The following PLCE1 variants were observed in gnomAD, a reference collection of about 807,000 sequenced individuals.
PLCE1 encodes 1-phosphatidylinositol 4,5-bisphosphate phosphodiesterase epsilon-1.
Under a neutral mutation model 242.8 loss-of-function variants are expected in PLCE1, and 119 were observed. That is an observed-to-expected ratio of 0.49 (90% confidence interval 0.42 to 0.57). PLCE1 has a LOEUF of 0.57. Among genes scored for constraint, PLCE1 ranks in the 20% least tolerant of loss-of-function variants. The pLI is 0.00. For synonymous variants in PLCE1, 945 were observed against 1,017.4 expected, an observed-to-expected ratio of 0.93 and a Z score of 1.35; for missense variants, 2,441 against 2,788.8, an observed-to-expected ratio of 0.88 and a Z score of 2.81.
intron 2 of PLCE1, among the ~76,000 whole-genome samples, chr10:94,055,102 A>G (rs2043868010): frequency 6.6e-6 from 1 of 151,916 alleles, no homozygotes; most frequent in Non-Finnish European, 1.5e-5. Flanking sequence ...TAAGGAGTTG[A>G]AATTTCAACT....
At chr10:94,150,305 A>T (rs1426690626) in intron 3 of PLCE1, among the ~76,000 whole-genome samples, 1 of 152,192 alleles carries the variant, frequency 6.6e-6, no homozygotes, top group Non-Finnish European at 1.5e-5. Context: ...TGCCCCTACA[A>T]ATTTCAATTA....
intron 2 of PLCE1, among the ~76,000 whole-genome samples, chr10:94,066,974 G>A (rs1280462602): frequency 6.6e-6 from 1 of 152,138 alleles, no homozygotes; most frequent in Non-Finnish European, 1.5e-5. Flanking sequence ...TTTCCAGGGG[G>A]AATTGAGGTT....
chr10:94,209,991 T>G (rs2049280604), intron 4 of PLCE1, among the ~76,000 whole-genome samples: 1 of 152,142 alleles, frequency 6.6e-6, no homozygotes, highest in Non-Finnish European at 1.5e-5. Context: ...TTGGTGATAC[T>G]AGAGCTGAGA....
intron 19 of PLCE1, among the ~76,000 whole-genome samples, chr10:94,275,611 C>T (rs566149310): frequency 2.0e-5 from 3 of 152,154 alleles, no homozygotes; most frequent in South Asian, 2.1e-4. Flanking sequence ...CGAGGCAGGT[C>T]GATTGCTTGA....
chr10:94,150,237 G>A (rs1222641802), intron 3 of PLCE1, among the ~76,000 whole-genome samples: 5 of 152,192 alleles, frequency 3.3e-5, no homozygotes, highest in Non-Finnish European at 7.3e-5. Context: ...ACCTGGCAAG[G>A]TAGAATTATA....
chr10:94,095,564 C>T (rs1230232939), intron 2 of PLCE1, among the ~76,000 whole-genome samples: 1 of 152,078 alleles, frequency 6.6e-6, no homozygotes, highest in Non-Finnish European at 1.5e-5. Context: ...ATTATGTTTC[C>T]CAGGCTGGAA....
intron 31 of PLCE1, among the ~76,000 whole-genome samples, 155 bp from the exon 32 acceptor site, chr10:94,324,737 G>A (rs1167284910): frequency 6.6e-6 from 1 of 152,138 alleles, no homozygotes; most frequent in African/African-American, 2.4e-5. Context: ...ACATGTGGCC[G>A]AGCTTGCGGT....
intron 3 of PLCE1, among the ~76,000 whole-genome samples, chr10:94,145,902 G>A (rs971357404): frequency 7.2e-5 from 11 of 151,994 alleles, no homozygotes; most frequent in Admixed American, 6.6e-4. Context: ...GGTTCTTCCT[G>A]GGAGATACAG....
Position 94,031,920 on chromosome 10 carries a change from G to T in PLCE1, c.874G>T (p.Ala292Ser), listed in dbSNP as rs370227059. 2.5e-6 allele frequency: 4 copies of T among 1,613,888 alleles called. No homozygotes were observed. In the African/African-American group the frequency reaches 4.0e-5, roughly 16 times the overall value. ...TAGGAAAGACTTTACTGACAGTCAA[G>T]CTGCCAAGACCTTTTTGAGCCATTT... ...FCRKDFTDSQAAKTFLSHFED... is the reference protein window; with the variant it reads ...FCRKDFTDSQSAKTFLSHFED... Residue 292 changes from alanine (A) to serine (S), a missense_variant, in exon 2 of 33, where the codon GCT becomes TCT. Transcript: ENST00000371380.
At chr10:94,212,389 TG>T (rs2049367275) in intron 4 of PLCE1, among the ~76,000 whole-genome samples, 1 of 152,218 alleles carries the variant, frequency 6.6e-6, no homozygotes, top group Admixed American at 6.5e-5. Context: ...CCAGAGTAGC[TG>T]GGACTACAGG....
chr10:94,143,070 G>A (rs1301625583), intron 3 of PLCE1, among the ~76,000 whole-genome samples: 1 of 152,156 alleles, frequency 6.6e-6, no homozygotes, highest in Non-Finnish European at 1.5e-5. Flanking sequence ...ACAGGATATA[G>A]GGCCCCAGAG....
At chr10:94,318,462 T>C (rs2053652913) in intron 29 of PLCE1, among the ~76,000 whole-genome samples, 1 of 152,242 alleles carries the variant, frequency 6.6e-6, no homozygotes, top group Admixed American at 6.5e-5. Context: ...CTATGTTGAA[T>C]GATATAATGG....
intron 27 of PLCE1, among the ~76,000 whole-genome samples, chr10:94,311,597 A>C (rs1378542916): frequency 1.3e-5 from 2 of 152,154 alleles, no homozygotes; most frequent in Non-Finnish European, 2.9e-5. Context: ...GCCCCATTTA[A>C]GACTTGATCA....
At chr10:94,158,493 GA>G (rs1481667669) in intron 3 of PLCE1, among the ~76,000 whole-genome samples, 1 of 152,098 alleles carries the variant, frequency 6.6e-6, no homozygotes, top group Admixed American at 6.5e-5. Flanking sequence ...GAACAGATGA[GA>G]AAATGCTGCT....
chr10:93,995,409 C>A (rs535942800), intron 1 of PLCE1, among the ~76,000 whole-genome samples: 2 of 152,302 alleles, frequency 1.3e-5, no homozygotes, highest in East Asian at 3.9e-4. Flanking sequence ...CAACCTCCCC[C>A]TGCTCTGATT....
At position 94,246,089 on chromosome 10, in the gene PLCE1, C is replaced by T. The variant is rs775344140; in HGVS notation, c.2564C>T (p.Ala855Val). 1 of 1,614,114 alleles carries T rather than the reference C, an allele frequency of 6.2e-7. No individual in the cohort carries two copies. The stretch of plus-strand genomic sequence containing the variant: ...CCTTGGTACGTGCTGTCCATCCAAG[C>T]CGATGTGCACCAGTTCCTGCTGCAG... The part of the protein sequence containing the change: ...LIPWYVLSIQ[A>V]DVHQFLLQGA... Residue 855 changes from alanine (A) to valine (V), a missense_variant, in exon 8 of 33, where the codon GCC (alanine) becomes GTC (valine). Physicochemically the swap from Ala to Val is moderately conservative, Grantham distance 64. This residue lies in a region of PLCE1 where 733 missense variants were observed against 754.2 expected (regional missense o/e 0.97). Coordinates refer to ENST00000371380, the MANE Select transcript of PLCE1 (RefSeq NM_016341.4).
chr10:94,122,146 AT>A (rs1288057918), intron 2 of PLCE1, among the ~76,000 whole-genome samples: 1 of 152,202 alleles, frequency 6.6e-6, no homozygotes, highest in East Asian at 1.9e-4. Flanking sequence ...TAGCGAGAAC[AT>A]TACCCTTGAT....
At chr10:94,320,909 T>C (rs1589539899) in intron 29 of PLCE1, among the ~76,000 whole-genome samples, 1 of 152,138 alleles carries the variant, frequency 6.6e-6, no homozygotes, top group East Asian at 1.9e-4. Flanking sequence ...GACAGTGGGG[T>C]ATTTTGTGGC....
intron 7 of PLCE1, among the ~76,000 whole-genome samples, chr10:94,241,668 T>A (rs1589405099): frequency 6.6e-6 from 1 of 151,816 alleles, no homozygotes; most frequent in East Asian, 1.9e-4. Context: ...CGGGCACCTG[T>A]AATCCCAACT....
Sources: gnomAD v4.1 joint callset for allele counts (sites outside exome capture counted in the v4.1 genomes callset) on GRCh38, gnomAD v4.1.1 for gene constraint, gnomAD v4.1.1 regional missense constraint, MANE v1.5 for transcripts, NCBI Gene and HGNC (gene_info 2026-07-23, HGNC 2026-07-21) for gene names.